Variants in ATXN7L1 observed in about 807,000 individuals in gnomAD.
ATXN7L1 encodes the protein ataxin-7-like protein 1.
ATXN7L1 carries 15 observed loss-of-function variants against 70.8 expected under a neutral mutation model. That is an observed-to-expected ratio of 0.21 (90% confidence interval 0.14 to 0.33). ATXN7L1 has a LOEUF of 0.33. ATXN7L1 is among the 10% of genes least tolerant of loss of function. The pLI is 1.00. For synonymous variants in ATXN7L1, 440 were observed against 445.1 expected (o/e 0.99, Z 0.14); for missense variants, 975 against 1,097.1 (o/e 0.89, Z 1.57).
intron 2 of ATXN7L1, among the ~76,000 whole-genome samples, chr7:105,873,855 C>T (rs770720527): frequency 6.6e-6 from 1 of 152,130 alleles, no homozygotes; most frequent in African/African-American, 2.4e-5. Context: ...CAGCCAGGCA[C>T]GGTGGCTCAT....
intron 2 of ATXN7L1, among the ~76,000 whole-genome samples, chr7:105,825,625 T>TTTTTTTTTTTTTTTTTTTTG (rs1563124044): frequency 1.3e-5 from 2 of 151,832 alleles, no homozygotes; most frequent in Admixed American, 6.6e-5. Flanking sequence ...AGCATGTTTT[T>TTTTTTTTTTTTTTTTTTTTG]AAGACACAAG....
chr7:105,646,806 C>A (rs931857608), intron 4 of ATXN7L1, among the ~76,000 whole-genome samples: 36 of 151,012 alleles, frequency 2.4e-4, no homozygotes, highest in Admixed American at 2.0e-4. Context: ...AAGCTGGGCA[C>A]GTTGGTGGAC....
rs779946678 is a variant in ATXN7L1, at chr7:105,835,148, G to GTT, written c.250+40663_250+40664insAA. On this transcript the variant is annotated intron_variant, in intron 2 of 11. Transcript: ENST00000419735. ...TTTTTTTAATAATTTATAAGTGTGT[G>GTT]GTTTTTTTTTTTTTTTTTTTTTTTG... is the stretch of plus-strand genomic sequence containing the variant. Among the ~76,000 whole-genome samples, 674 of 84,830 alleles carry GTT rather than the reference G, an allele frequency of 7.9e-3. 15 individuals are homozygous for GTT. Among genetic ancestry groups the GTT allele is most frequent in the East Asian group, 0.061 (186 of 3,030 alleles). 55.7% of individuals were successfully genotyped at this position (84,830 alleles called of 152,430 possible).
chr7:105,867,522 G>C lies in ATXN7L1; in HGVS notation c.250+8290C>G, dbSNP rs576259269. ...CTCACTATTGTCACCAGTGACTGCAGACTGGACTCCAAGGTTTGGAAGAGT... is the reference window on the plus strand; with the variant it reads ...CTCACTATTGTCACCAGTGACTGCACACTGGACTCCAAGGTTTGGAAGAGT... On this transcript the variant is annotated intron_variant, in intron 2 of 11. Transcript: ENST00000419735. Among the ~76,000 whole-genome samples the C allele has an allele frequency of 8.5e-5, 13 of 152,318 alleles. No individual in the cohort carries two copies. In the South Asian group the frequency reaches 2.5e-3, roughly 29 times the overall value.
chr7:105,674,124 G>A (rs516507), intron 3 of ATXN7L1, among the ~76,000 whole-genome samples: 49,137 of 152,074 alleles, frequency 0.32, 9,129 homozygotes, highest in African/African-American at 0.51. Flanking sequence ...CAAAGGTTAT[G>A]CTAGGTCTTC....
chr7:105,774,215 C>G (rs1259566232), intron 3 of ATXN7L1, among the ~76,000 whole-genome samples: 2 of 152,146 alleles, frequency 1.3e-5, no homozygotes, highest in African/African-American at 4.8e-5. Context: ...TTTCAAAGGG[C>G]CACCATCTAG....
intron 3 of ATXN7L1, among the ~76,000 whole-genome samples, chr7:105,759,512 AG>A (rs1348758923): frequency 6.7e-6 from 1 of 149,088 alleles, no homozygotes; most frequent in African/African-American, 2.5e-5. Context: ...GACCTATCCC[AG>A]GTGGATGCTG....
At chr7:105,706,708 C>A (rs1793219852) in intron 3 of ATXN7L1, among the ~76,000 whole-genome samples, 2 of 152,234 alleles carry the variant, frequency 1.3e-5, no homozygotes, top group Non-Finnish European at 2.9e-5. Context: ...CTGCACTCAC[C>A]AACTCTGTGG....
Position 105,702,917 on chromosome 7 carries a change from G to C in ATXN7L1, c.356-37629C>G, listed in dbSNP as rs2893591. Among the ~76,000 whole-genome samples, 7 of 152,014 alleles carry C rather than the reference G, an allele frequency of 4.6e-5. No homozygotes were observed. The East Asian group carries it at 1.4e-3, about 29-fold the overall frequency. On this transcript the variant is annotated intron_variant, in intron 3 of 11. Transcript: ENST00000419735. ...GCAGGTCAAAAGGTCAGGAGATCGA[G>C]ACCATCCTGACTAACAGTGAAACCC...
At chr7:105,661,254 C>T (rs1169141029) in intron 4 of ATXN7L1, among the ~76,000 whole-genome samples, 1 of 152,142 alleles carries the variant, frequency 6.6e-6, no homozygotes, top group Non-Finnish European at 1.5e-5. Context: ...CACAGTATTA[C>T]AATAGGTGCT....
chr7:105,663,983 C>T (rs539030583), intron 4 of ATXN7L1, among the ~76,000 whole-genome samples: 25 of 152,044 alleles, frequency 1.6e-4, no homozygotes, highest in Admixed American at 1.3e-3. Flanking sequence ...TTGGTCAGGC[C>T]GGTCTTGAAC....
chr7:105,705,175 G>A (rs1792996446), intron 3 of ATXN7L1, among the ~76,000 whole-genome samples: 1 of 151,764 alleles, frequency 6.6e-6, no homozygotes, highest in African/African-American at 2.4e-5. Flanking sequence ...ACAGGTGCGT[G>A]CCTCCACGCC....
rs1792740222 is a variant in ATXN7L1, at chr7:105,605,769, TAAC to T, written c.*2080_*2082del. On this transcript the variant is annotated 3_prime_UTR_variant, in exon 12 of 12. Coordinates refer to ENST00000419735, the MANE Select transcript of ATXN7L1 (RefSeq NM_020725.2). ...CGAACAAGACAAAATTGTGCAAAAA[TAAC>T]AAAGATATGTACATACTTTTCAGTC... is the stretch of plus-strand genomic sequence containing the variant. The T allele has an allele frequency of 6.6e-6, 1 of 152,046 alleles. No homozygotes were observed. Among genetic ancestry groups the T allele is most frequent in the Non-Finnish European group, 1.5e-5 (1 of 67,992 alleles). 9.4% of individuals were successfully genotyped at this position (152,046 alleles called of 1,614,324 possible).
At chr7:105,741,458 T>G (rs1369025926) in intron 3 of ATXN7L1, among the ~76,000 whole-genome samples, 4 of 152,172 alleles carry the variant, frequency 2.6e-5, no homozygotes, top group Non-Finnish European at 5.9e-5. Context: ...TTTGACACAT[T>G]TGAGCTTGAC....
intron 4 of ATXN7L1, among the ~76,000 whole-genome samples, chr7:105,657,048 T>A (rs180857751): frequency 2.0e-5 from 3 of 152,174 alleles, no homozygotes; most frequent in African/African-American, 7.2e-5. Context: ...GGCCCTAACC[T>A]GCTGTTAAAT....
intron 9 of ATXN7L1, among the ~76,000 whole-genome samples, chr7:105,616,214 G>A (rs1310828440): frequency 1.3e-5 from 2 of 152,178 alleles, no homozygotes; most frequent in Admixed American, 1.3e-4. Context: ...CAGTGGGCTA[G>A]AACACGTGCA....
At chr7:105,623,222 G>A (rs138031451) in intron 8 of ATXN7L1, among the ~76,000 whole-genome samples, 49 of 152,230 alleles carry the variant, frequency 3.2e-4, no homozygotes, top group African/African-American at 1.1e-3. Flanking sequence ...ATCTTGATGC[G>A]GGACCAGGAT....
intron 3 of ATXN7L1, among the ~76,000 whole-genome samples, chr7:105,752,766 C>T (rs1288270083): frequency 1.3e-5 from 2 of 152,310 alleles, no homozygotes; most frequent in East Asian, 1.9e-4. Context: ...CATTATCCTG[C>T]CTTCCTCCTG....
chr7:105,794,546 C>T (rs536771295), intron 2 of ATXN7L1, among the ~76,000 whole-genome samples: 15 of 152,308 alleles, frequency 9.8e-5, no homozygotes, highest in Middle Eastern at 3.4e-3. Flanking sequence ...CTTCCTGGCT[C>T]GATTTCTCCA....
Sources: allele counts gnomAD v4.1 joint callset (sites outside exome capture counted in the v4.1 genomes callset), GRCh38; gene constraint gnomAD v4.1.1; transcripts MANE v1.5; gene names NCBI Gene and HGNC (gene_info 2026-07-23, HGNC 2026-07-21).